KCNU1: variants seen among roughly 807,000 people sequenced by gnomAD.
The protein encoded by KCNU1 is potassium calcium-activated channel subfamily U member 1, also known as potassium channel subfamily U member 1.
Under a neutral mutation model 126.8 loss-of-function variants are expected in KCNU1, and 93 were observed. That is an observed-to-expected ratio of 0.73 (90% confidence interval 0.62 to 0.87). The LOEUF (loss-of-function observed/expected upper bound fraction) is 0.87. KCNU1 is among the 40% of genes least tolerant of loss of function. The pLI is 0.00. For missense variants in KCNU1, 1,330 were observed against 1,367.1 expected (o/e 0.97, Z 0.43); for synonymous variants, 523 against 494.2 (o/e 1.06, Z -0.77).
intron 10 of KCNU1, 58 bp from the exon 11 acceptor site, chr8:36,833,496 T>C: frequency 2.0e-6 from 2 of 1,013,230 alleles, no homozygotes; most frequent in Non-Finnish European, 3.1e-6. Flanking sequence ...TAAAAACCTC[T>C]AAACCCAGAG....
chr8:36,869,910 C>T (rs72634133), intron 19 of KCNU1, among the ~76,000 whole-genome samples: 1,623 of 152,222 alleles, frequency 0.011, 22 homozygotes, highest in Non-Finnish European at 0.015. Context: ...AGTTCAAGAC[C>T]TCGCAAGATT....
At chr8:36,859,996 A>AT (rs549568716) in intron 18 of KCNU1, among the ~76,000 whole-genome samples, 128 of 152,086 alleles carry the variant, frequency 8.4e-4, no homozygotes, top group African/African-American at 2.8e-3. Context: ...GAATCTTTTT[A>AT]TTTTTTTTGA....
chr8:36,922,152 C>T (rs1028252217), intron 23 of KCNU1, among the ~76,000 whole-genome samples: 3 of 152,122 alleles, frequency 2.0e-5, no homozygotes, highest in Admixed American at 6.5e-5. Context: ...GGGCAATTTT[C>T]GAGCATGCTC....
chr8:36,796,016 C>T (rs534294664), intron 2 of KCNU1, among the ~76,000 whole-genome samples: 89 of 152,212 alleles, frequency 5.8e-4, no homozygotes, highest in African/African-American at 2.1e-3. Context: ...TAATTGTATC[C>T]GAATTTTTCC....
intron 18 of KCNU1, among the ~76,000 whole-genome samples, chr8:36,850,631 A>G (rs1805307584): frequency 6.6e-6 from 1 of 151,916 alleles, no homozygotes; most frequent in South Asian, 2.1e-4. Context: ...TAATTCCTGC[A>G]TTTTTTGTAA....
chr8:36,924,349 A>G (rs1215742808), intron 24 of KCNU1, among the ~76,000 whole-genome samples: 1 of 152,162 alleles, frequency 6.6e-6, no homozygotes, highest in African/African-American at 2.4e-5. Flanking sequence ...TCATGCCTGA[A>G]TTTCAGGAAT....
chr8:36,789,810 A>G (rs141110728), intron 2 of KCNU1, among the ~76,000 whole-genome samples: 90 of 152,366 alleles, frequency 5.9e-4, no homozygotes, highest in African/African-American at 1.9e-3. Flanking sequence ...TTAAGGAAAT[A>G]GAGTTCCAGA....
chr8:36,888,910 GCT>G (rs1563317392), intron 19 of KCNU1: 1 of 406,792 alleles, frequency 2.5e-6, no homozygotes, highest in Non-Finnish European at 5.0e-6. Context: ...ATAGGGTCTC[GCT>G]CTGTCACCCA....
At chr8:36,835,286 G>A (rs1023000876) in intron 12 of KCNU1, among the ~76,000 whole-genome samples, 3 of 151,842 alleles carry the variant, frequency 2.0e-5, no homozygotes, top group African/African-American at 4.8e-5. Context: ...AAGATTATGC[G>A]TGGTCCGGTA....
At chr8:36,833,781 T>C (rs1050348751) in intron 11 of KCNU1, 122 bp downstream of exon 11, 8 of 568,662 alleles carry the variant, frequency 1.4e-5, no homozygotes, top group Non-Finnish European at 2.5e-5. Context: ...AAAATATAAC[T>C]TCCTCAACTT....
chr8:36,913,313 G>GA (rs1297651959), intron 22 of KCNU1, among the ~76,000 whole-genome samples: 3 of 151,346 alleles, frequency 2.0e-5, no homozygotes, highest in South Asian at 4.2e-4. Context: ...AGGAAAGAAG[G>GA]AAAAAAAATT....
intron 10 of KCNU1, among the ~76,000 whole-genome samples, chr8:36,821,385 G>A (rs977144772): frequency 1.3e-5 from 2 of 152,150 alleles, no homozygotes; most frequent in African/African-American, 4.8e-5. Flanking sequence ...CTTGCCTGTT[G>A]CAATTTTCCT....
At position 36,839,101 on chromosome 8, in the gene KCNU1, C is replaced by G. The variant is rs116879933; in HGVS notation, c.1519-1362C>G. 6.1e-4 allele frequency among the ~76,000 whole-genome samples: 93 copies of G among 152,276 alleles called. 3 individuals carry two copies. The East Asian group carries it at 0.017, about 28-fold the overall frequency. The stretch of plus-strand genomic sequence containing the variant: ...AAGTATTGAGTTAATATTTGTAAAA[C>G]TTCTGAGAACTCAGATTAAAAGGCC... On this transcript the variant is annotated intron_variant, in intron 14 of 26. Transcript: ENST00000399881.
chr8:36,889,042 C>T (rs1806842817), intron 19 of KCNU1: 2 of 484,570 alleles, frequency 4.1e-6, no homozygotes, highest in East Asian at 5.8e-5. Context: ...CCATGCCCAG[C>T]TAATTATTGT....
At chr8:36,858,558 C>T (rs899723425) in intron 18 of KCNU1, among the ~76,000 whole-genome samples, 1 of 152,094 alleles carries the variant, frequency 6.6e-6, no homozygotes, top group Non-Finnish European at 1.5e-5. Context: ...ACACAGTGTA[C>T]AAACCAAACT....
At chr8:36,803,917 T>C in intron 2 of KCNU1, 110 bp from the exon 3 acceptor site, 4 of 737,784 alleles carry the variant, frequency 5.4e-6, no homozygotes, top group Non-Finnish European at 9.5e-6. Context: ...AATATGTGAA[T>C]AAATGGCTAC....
At chr8:36,886,349 A>G (rs575542048) in intron 19 of KCNU1, among the ~76,000 whole-genome samples, 3 of 152,360 alleles carry the variant, frequency 2.0e-5, no homozygotes, top group East Asian at 3.9e-4. Flanking sequence ...AAGAATGCAA[A>G]AAGCCAAAAA....
chr8:36,905,561 T>G lies in KCNU1; in HGVS notation c.2010-147T>G, dbSNP rs188040460. On this transcript the variant is annotated intron_variant, in intron 19 of 26. Transcript: ENST00000399881. Reference sequence around the variant, plus strand: ...TCTTTGTGCTCTTCAGACCTAAGCCTTTATTCTAGAGTCTTACAGACCTGA... The same window carrying G: ...TCTTTGTGCTCTTCAGACCTAAGCCGTTATTCTAGAGTCTTACAGACCTGA... 776 of 614,564 alleles carry G rather than the reference T, an allele frequency of 1.3e-3. 9 individuals are homozygous for G. The African/African-American group carries it at 0.013, about 11-fold the overall frequency. The allele number at this position is 614,564 out of a possible 1,614,324, so 38.1% of individuals were successfully genotyped here. A position where few individuals can be genotyped will look rare whatever the true frequency, so the allele number is the denominator to read the frequency against.
chr8:36,924,343 G>A (rs1808465548), intron 24 of KCNU1, among the ~76,000 whole-genome samples: 1 of 152,182 alleles, frequency 6.6e-6, no homozygotes. Context: ...GAGGCATCAT[G>A]CCTGAATTTC....
Sources: allele counts gnomAD v4.1 joint callset (sites outside exome capture counted in the v4.1 genomes callset), GRCh38; gene constraint gnomAD v4.1.1; transcripts MANE v1.5; gene names NCBI Gene and HGNC (gene_info 2026-07-23, HGNC 2026-07-21).